Variants in CSNK2A2IP observed in about 807,000 individuals in gnomAD.
CSNK2A2IP encodes the protein casein kinase 2 subunit alpha' interacting protein, also known as casein kinase II subunit alpha'-interacting protein.
the CSNK2A2IP span, among the ~76,000 whole-genome samples, chr3:88,430,528 A>G: frequency 6.6e-6 from 1 of 151,916 alleles, no homozygotes; most frequent in Non-Finnish European, 1.5e-5. Context: ...CATAGGATAA[A>G]TTGATCAATT....
chr3:88,340,924 C>T, the CSNK2A2IP span, among the ~76,000 whole-genome samples: 1 of 151,858 alleles, frequency 6.6e-6, no homozygotes, highest in Admixed American at 6.6e-5. Flanking sequence ...TAAACAAATA[C>T]ATTAGAATCA....
chr3:88,364,544 A>G, the CSNK2A2IP span, among the ~76,000 whole-genome samples: 1 of 152,110 alleles, frequency 6.6e-6, no homozygotes, highest in Non-Finnish European at 1.5e-5. Context: ...TAAAATTTTT[A>G]TAGAAAGGAG....
the CSNK2A2IP span, among the ~76,000 whole-genome samples, chr3:88,446,036 T>TTCTTTCTC: frequency 0.042 from 590 of 14,062 alleles, 46 homozygotes; most frequent in East Asian, 0.095. Flanking sequence ...TTTCTTTTCT[T>TTCTTTCTC]TCTTTCTTTC....
At chr3:88,349,421 T>A in the CSNK2A2IP span, among the ~76,000 whole-genome samples, 1 of 152,138 alleles carries the variant, frequency 6.6e-6, no homozygotes, top group Non-Finnish European at 1.5e-5. Flanking sequence ...TCGCTTAGAA[T>A]AACGGCTTCC....
At chr3:88,400,732 G>A in the CSNK2A2IP span, among the ~76,000 whole-genome samples, 1 of 152,104 alleles carries the variant, frequency 6.6e-6, no homozygotes, top group Admixed American at 6.6e-5. Context: ...CTAAATACAC[G>A]TTGATTTTAG....
At chr3:88,367,501 T>A in the CSNK2A2IP span, among the ~76,000 whole-genome samples, 1 of 152,084 alleles carries the variant, frequency 6.6e-6, no homozygotes, top group Non-Finnish European at 1.5e-5. Flanking sequence ...TAAAAAAAGA[T>A]TTTGGAGATA....
chr3:88,396,101 C>A, the CSNK2A2IP span, among the ~76,000 whole-genome samples: 4 of 138,528 alleles, frequency 2.9e-5, no homozygotes, highest in Non-Finnish European at 6.2e-5. Context: ...GGACTACCTA[C>A]TTCTTTTTTT....
At chr3:88,363,154 C>A in the CSNK2A2IP span, among the ~76,000 whole-genome samples, 1 of 152,140 alleles carries the variant, frequency 6.6e-6, no homozygotes, top group Non-Finnish European at 1.5e-5. Context: ...GCAGTATAAG[C>A]AATACAAGAC....
the CSNK2A2IP span, among the ~76,000 whole-genome samples, chr3:88,430,170 C>G: frequency 6.6e-6 from 1 of 152,046 alleles, no homozygotes; most frequent in Admixed American, 6.6e-5. Flanking sequence ...ATGTTTCAAC[C>G]AAGGATGGAG....
chr3:88,370,457 T>G, the CSNK2A2IP span, among the ~76,000 whole-genome samples: 1 of 151,754 alleles, frequency 6.6e-6, no homozygotes, highest in Non-Finnish European at 1.5e-5. Context: ...AAAGTTGTGT[T>G]TTTTTGTAGC....
chr3:88,349,055 A>G, the CSNK2A2IP span, among the ~76,000 whole-genome samples: 3 of 152,004 alleles, frequency 2.0e-5, no homozygotes, highest in South Asian at 2.1e-4. Flanking sequence ...CGATTTTCCA[A>G]GTTTTCTTGA....
At chr3:88,357,408 C>A in the CSNK2A2IP span, among the ~76,000 whole-genome samples, 1 of 151,986 alleles carries the variant, frequency 6.6e-6, no homozygotes, top group Admixed American at 6.6e-5. Flanking sequence ...TTCATGGGTT[C>A]TGTTCCATTA....
the CSNK2A2IP span, among the ~76,000 whole-genome samples, chr3:88,432,344 AT>A: frequency 2.6e-5 from 4 of 151,924 alleles, no homozygotes; most frequent in Non-Finnish European, 5.9e-5. Context: ...TAGTTATTAA[AT>A]ATATAATACA....
chr3:88,368,342 A>G, the CSNK2A2IP span, among the ~76,000 whole-genome samples: 1 of 152,008 alleles, frequency 6.6e-6, no homozygotes, highest in Non-Finnish European at 1.5e-5. Flanking sequence ...AATATCACAT[A>G]ATGATAAGTT....
chr3:88,462,935 G>A, the CSNK2A2IP span, among the ~76,000 whole-genome samples: 1 of 152,052 alleles, frequency 6.6e-6, no homozygotes, highest in Non-Finnish European at 1.5e-5. Flanking sequence ...GTTGGTACTT[G>A]GAAAATTCCA....
At chr3:88,371,076 T>C in the CSNK2A2IP span, among the ~76,000 whole-genome samples, 9 of 151,496 alleles carry the variant, frequency 5.9e-5, no homozygotes, top group South Asian at 1.2e-3. Context: ...AACCACTCTA[T>C]GGTATTTGGT....
At chr3:88,428,096 A>G in the CSNK2A2IP span, among the ~76,000 whole-genome samples, 1 of 152,200 alleles carries the variant, frequency 6.6e-6, no homozygotes, top group African/African-American at 2.4e-5. Flanking sequence ...CTTTTGCATC[A>G]GCATTCCCTG....
the CSNK2A2IP span, among the ~76,000 whole-genome samples, chr3:88,373,028 A>C: frequency 6.6e-6 from 1 of 151,556 alleles, no homozygotes; most frequent in Non-Finnish European, 1.5e-5. Flanking sequence ...ACAAATTAAC[A>C]ATTACAGCTG....
At chr3:88,462,114 C>CATATATATATATATAT in the CSNK2A2IP span, among the ~76,000 whole-genome samples, 4 of 143,152 alleles carry the variant, frequency 2.8e-5, no homozygotes, top group Admixed American at 1.4e-4. Context: ...GAGTTTTTTT[C>CATATATATATATATAT]ATATATATAT....
Sources: gnomAD v4.1 joint callset for allele counts (sites outside exome capture counted in the v4.1 genomes callset) on GRCh38, gnomAD v4.1.1 for gene constraint, MANE v1.5 for transcripts, NCBI Gene and HGNC (gene_info 2026-07-23, HGNC 2026-07-21) for gene names.